The following EXOC4 variants were observed in gnomAD, a reference collection of about 807,000 sequenced individuals.
EXOC4 encodes the protein exocyst complex component 4, also known as SEC8-like 1.
In EXOC4, 71 loss-of-function variants were observed where a neutral mutation model predicts 107.2. That is an observed-to-expected ratio of 0.66 (90% CI 0.55 to 0.81). The LOEUF (loss-of-function observed/expected upper bound fraction) is 0.81, where lower values mean the gene tolerates loss of function less well. Ranked by LOEUF, EXOC4 falls within the 30% of genes least tolerant of loss-of-function variation. The pLI is 0.00. For missense variants in EXOC4, 1,108 were observed against 1,189.6 expected, an observed-to-expected ratio of 0.93 and a Z score of 1.01; for synonymous variants, 456 against 441.2, an observed-to-expected ratio of 1.03 and a Z score of -0.42.
intron 11 of EXOC4, among the ~76,000 whole-genome samples, chr7:133,882,560 T>C (rs1211788445): frequency 6.6e-6 from 1 of 152,148 alleles, no homozygotes; most frequent in Non-Finnish European, 1.5e-5. Flanking sequence ...AACAAAGAAA[T>C]AGAAGATGTT....
At chr7:133,986,224 A>T (rs1317349091) in intron 14 of EXOC4, among the ~76,000 whole-genome samples, 1 of 152,220 alleles carries the variant, frequency 6.6e-6, no homozygotes, top group African/African-American at 2.4e-5. Flanking sequence ...AATTTCTGGG[A>T]TCTGTGAAAA....
At chr7:133,989,651 G>T (rs1021327052) in intron 14 of EXOC4, among the ~76,000 whole-genome samples, 2 of 152,180 alleles carry the variant, frequency 1.3e-5, no homozygotes, top group Non-Finnish European at 2.9e-5. Flanking sequence ...GGACTGAAGA[G>T]CAGCCAGTAG....
chr7:133,326,429 C>T (rs1325499420), intron 5 of EXOC4, among the ~76,000 whole-genome samples: 1 of 152,210 alleles, frequency 6.6e-6, no homozygotes. Flanking sequence ...TTCTAAGAGT[C>T]AGGACCCTGA....
At chr7:133,344,991 CA>C (rs2150633518) in intron 5 of EXOC4, among the ~76,000 whole-genome samples, 2 of 152,248 alleles carry the variant, frequency 1.3e-5, no homozygotes, top group South Asian at 4.1e-4. Flanking sequence ...ATCCCGAGGA[CA>C]TGGTTTTTGT....
chr7:133,260,046 T>G (rs905387112), intron 1 of EXOC4, among the ~76,000 whole-genome samples: 1 of 150,864 alleles, frequency 6.6e-6, no homozygotes, highest in South Asian at 2.1e-4. Flanking sequence ...CTTTTTTTTT[T>G]GTGTGTGTAA....
chr7:134,030,919 T>A (rs1162728290), intron 17 of EXOC4, among the ~76,000 whole-genome samples: 1 of 152,102 alleles, frequency 6.6e-6, no homozygotes, highest in Admixed American at 6.5e-5. Context: ...TCCCTATAAC[T>A]TTTATAACTT....
chr7:133,602,709 A>G lies in EXOC4; in HGVS notation c.1418-27336A>G, dbSNP rs74335533. ...AGATTATGGATGAACAGATTGAGGA[A>G]CATGATATGGCAGGGCAAAGTCTAG... On this transcript the variant is annotated intron_variant, in intron 9 of 17. Coordinates refer to ENST00000253861, the MANE Select transcript of EXOC4 (RefSeq NM_021807.4). 4.8e-3 allele frequency among the ~76,000 whole-genome samples: 735 copies of G among 152,356 alleles called. 3 individuals carry two copies. Among genetic ancestry groups the G allele is most frequent in the Middle Eastern group, 0.017 (5 of 294 alleles).
At chr7:133,542,876 T>A (rs1800408063) in intron 9 of EXOC4, among the ~76,000 whole-genome samples, 1 of 152,182 alleles carries the variant, frequency 6.6e-6, no homozygotes, top group Non-Finnish European at 1.5e-5. Context: ...AATTTTATTT[T>A]TTTTTTGAAT....
intron 1 of EXOC4, among the ~76,000 whole-genome samples, chr7:133,266,333 A>G (rs189432801): frequency 1.8e-4 from 28 of 152,310 alleles, no homozygotes; most frequent in Non-Finnish European, 3.2e-4. Flanking sequence ...ATCCAAATAC[A>G]GTAACAGTGA....
At chr7:133,947,059 G>A (rs894946286) in intron 14 of EXOC4, among the ~76,000 whole-genome samples, 8 of 152,194 alleles carry the variant, frequency 5.3e-5, no homozygotes, top group African/African-American at 1.9e-4. Context: ...AGGCAAGTTA[G>A]GGTATAACCA....
At chr7:133,737,342 G>C (rs1036985874) in intron 10 of EXOC4, among the ~76,000 whole-genome samples, 2 of 151,936 alleles carry the variant, frequency 1.3e-5, no homozygotes, top group African/African-American at 4.8e-5. Flanking sequence ...CTCTTCTGCA[G>C]AGACTCTATG....
intron 10 of EXOC4, among the ~76,000 whole-genome samples, chr7:133,717,418 G>A (rs952015392): frequency 4.6e-5 from 7 of 152,172 alleles, no homozygotes. Context: ...GAATGTAGCT[G>A]TTTTGGCTGT....
intron 10 of EXOC4, among the ~76,000 whole-genome samples, chr7:133,783,029 C>T (rs972789310): frequency 7.2e-5 from 11 of 152,020 alleles, no homozygotes; most frequent in Admixed American, 6.6e-4. Context: ...TTAACATCGC[C>T]GTGCCTCATC....
chr7:133,326,717 C>G (rs1263272991), intron 5 of EXOC4, among the ~76,000 whole-genome samples: 1 of 152,192 alleles, frequency 6.6e-6, no homozygotes, highest in Non-Finnish European at 1.5e-5. Flanking sequence ...CTGGGAGAAC[C>G]ACTACAAACT....
At chr7:133,686,185 C>T (rs938416095) in intron 10 of EXOC4, among the ~76,000 whole-genome samples, 1 of 152,142 alleles carries the variant, frequency 6.6e-6, no homozygotes, top group Non-Finnish European at 1.5e-5. Context: ...AGAAAGTCCT[C>T]ACCAGATGTA....
chr7:133,981,805 A>C (rs1199488274), intron 14 of EXOC4, among the ~76,000 whole-genome samples: 1 of 152,172 alleles, frequency 6.6e-6, no homozygotes, highest in Non-Finnish European at 1.5e-5. Flanking sequence ...TATGTATGCA[A>C]ATGTTGACTG....
At chr7:133,958,395 G>A (rs1474583635) in intron 14 of EXOC4, among the ~76,000 whole-genome samples, 1 of 151,886 alleles carries the variant, frequency 6.6e-6, no homozygotes, top group Non-Finnish European at 1.5e-5. Context: ...TAAATAGTAT[G>A]ATTACTATTT....
intron 17 of EXOC4, among the ~76,000 whole-genome samples, chr7:134,027,123 A>G (rs1271924857): frequency 1.3e-5 from 2 of 152,190 alleles, no homozygotes; most frequent in African/African-American, 4.8e-5. Flanking sequence ...TATATAGTAT[A>G]TTCATTTTTG....
chr7:133,672,990 G>A (rs1246545944), intron 10 of EXOC4, among the ~76,000 whole-genome samples: 1 of 152,054 alleles, frequency 6.6e-6, no homozygotes, highest in African/African-American at 2.4e-5. Context: ...TCCAAGCACT[G>A]CCATCTTATA....
Sources: allele counts gnomAD v4.1 joint callset (sites outside exome capture counted in the v4.1 genomes callset), GRCh38; gene constraint gnomAD v4.1.1; transcripts MANE v1.5; gene names NCBI Gene and HGNC (gene_info 2026-07-23, HGNC 2026-07-21).